The following UST variants were observed in gnomAD, a reference collection of about 807,000 sequenced individuals.
UST encodes the protein uronyl 2-sulfotransferase.
In UST, 21 loss-of-function variants were observed where a neutral mutation model predicts 45.6. The ratio of observed to expected loss-of-function variants is 0.46; its 90% CI spans 0.33 to 0.66. The LOEUF (loss-of-function observed/expected upper bound fraction) is 0.66. UST is among the 30% of genes least tolerant of loss of function. The pLI is 0.02. For missense variants in UST, 463 were observed against 512.4 expected (o/e 0.90, Z 0.93); for synonymous variants, 215 against 200.6 (o/e 1.07, Z -0.61).
intron 1 of UST, among the ~76,000 whole-genome samples, chr6:148,862,111 A>C (rs1017376301): frequency 2.0e-5 from 3 of 152,180 alleles, no homozygotes; most frequent in African/African-American, 4.8e-5. Context: ...AAAGTCTCCC[A>C]TTATTATTGT....
chr6:148,889,560 ATAT>A (rs1778976464), intron 2 of UST, among the ~76,000 whole-genome samples: 1 of 151,990 alleles, frequency 6.6e-6, no homozygotes, highest in Non-Finnish European at 1.5e-5. Flanking sequence ...CCCTGTCATG[ATAT>A]TATTGAGTTG....
chr6:148,857,865 C>CTAGTGGTTGAGAAACCACAGGA (rs1371100909), intron 1 of UST, among the ~76,000 whole-genome samples: 1 of 151,102 alleles, frequency 6.6e-6, no homozygotes, highest in Non-Finnish European at 1.5e-5. Flanking sequence ...GTCTGGGTGG[C>CTAGTGGTTGAGAAACCACAGGA]TAGTGGTTGA....
intron 5 of UST, among the ~76,000 whole-genome samples, chr6:148,995,784 G>C (rs928072978): frequency 1.3e-5 from 2 of 152,256 alleles, no homozygotes; most frequent in African/African-American, 4.8e-5. Flanking sequence ...GACAAATTTT[G>C]TGTGGCAGAG....
intron 5 of UST, among the ~76,000 whole-genome samples, chr6:149,013,558 A>G (rs1164929071): frequency 6.6e-6 from 1 of 152,142 alleles, no homozygotes; most frequent in Non-Finnish European, 1.5e-5. Context: ...AGTTGGTACC[A>G]GGTACGTCCA....
At chr6:148,805,426 G>T (rs1777129297) in intron 1 of UST, among the ~76,000 whole-genome samples, 2 of 152,190 alleles carry the variant, frequency 1.3e-5, no homozygotes, top group Non-Finnish European at 2.9e-5. Flanking sequence ...TGGAAAATTA[G>T]TGGAAGTTTT....
intron 1 of UST, among the ~76,000 whole-genome samples, chr6:148,826,931 GC>G (rs1194553574): frequency 6.6e-6 from 1 of 151,972 alleles, no homozygotes; most frequent in African/African-American, 2.4e-5. Context: ...TTTCTGTTCT[GC>G]CTCTCTGTGA....
intron 1 of UST, among the ~76,000 whole-genome samples, chr6:148,827,726 A>T (rs1297044058): frequency 8.5e-6 from 1 of 117,396 alleles, no homozygotes; most frequent in Non-Finnish European, 1.6e-5. Flanking sequence ...TCTAGTTTGT[A>T]AAAAAAAAAA....
chr6:148,788,965 T>A (rs1230590956), intron 1 of UST, among the ~76,000 whole-genome samples: 2 of 152,236 alleles, frequency 1.3e-5, no homozygotes, highest in Non-Finnish European at 2.9e-5. Flanking sequence ...GGTATTTATG[T>A]TGTAAATAAT....
Position 149,038,568 on chromosome 6 carries a change from A to G in UST, c.937+17087A>G, listed in dbSNP as rs576495945. The stretch of plus-strand genomic sequence containing the variant: ...CCCATCAATTCTAGTTTTCAAAACT[A>G]TGAGAGAATAAACTTCTGTTGTCTT... On this transcript the variant is annotated intron_variant, in intron 7 of 7. Transcript: ENST00000367463. Among the ~76,000 whole-genome samples the G allele has an allele frequency of 3.9e-5, 6 of 152,228 alleles. No homozygotes were observed. The South Asian group carries it at 1.2e-3, about 32-fold the overall frequency.
chr6:148,997,983 A>G (rs915658141), intron 5 of UST, among the ~76,000 whole-genome samples: 33 of 152,198 alleles, frequency 2.2e-4, no homozygotes, highest in African/African-American at 7.5e-4. Flanking sequence ...CTGGATAACC[A>G]GAGGTTGAAA....
At chr6:148,991,091 T>G (rs1781342103) in intron 5 of UST, among the ~76,000 whole-genome samples, 1 of 151,960 alleles carries the variant, frequency 6.6e-6, no homozygotes, top group African/African-American at 2.4e-5. Flanking sequence ...CTAAGAAAAA[T>G]AAGAGGACAA....
At chr6:149,012,189 T>C (rs557949388) in intron 5 of UST, among the ~76,000 whole-genome samples, 40 of 152,330 alleles carry the variant, frequency 2.6e-4, no homozygotes, top group Admixed American at 2.2e-3. Context: ...GTGTCATCAG[T>C]GATTCATGCT....
At chr6:148,992,990 T>C in intron 5 of UST, 1 of 985,414 alleles carries the variant, frequency 1.0e-6, no homozygotes, top group Non-Finnish European at 1.2e-6. Context: ...ACAGACCCCT[T>C]TGGGCGGCTC....
intron 3 of UST, among the ~76,000 whole-genome samples, chr6:148,952,984 T>C (rs992260109): frequency 1.3e-5 from 2 of 152,204 alleles, no homozygotes; most frequent in African/African-American, 4.8e-5. Context: ...AGTTAGTTTA[T>C]ACGAATATAA....
intron 7 of UST, among the ~76,000 whole-genome samples, chr6:149,045,757 C>A (rs1776386437): frequency 6.6e-6 from 1 of 152,122 alleles, no homozygotes; most frequent in Admixed American, 6.5e-5. Flanking sequence ...GCAAGGCAAC[C>A]CCCTTCTAGT....
At chr6:148,951,704 A>G (rs918904494) in intron 3 of UST, among the ~76,000 whole-genome samples, 4 of 152,208 alleles carry the variant, frequency 2.6e-5, no homozygotes, top group African/African-American at 4.8e-5. Flanking sequence ...AAAACAAGGA[A>G]AGTCTTAGAA....
intron 5 of UST, among the ~76,000 whole-genome samples, chr6:149,013,209 A>G (rs979576461): frequency 3.9e-5 from 6 of 152,354 alleles, no homozygotes; most frequent in African/African-American, 1.2e-4. Flanking sequence ...TTGGTATCTA[A>G]GAAATTACAG....
chr6:148,928,739 A>G (rs1352471267), intron 2 of UST, among the ~76,000 whole-genome samples: 1 of 152,234 alleles, frequency 6.6e-6, no homozygotes, highest in African/African-American at 2.4e-5. Context: ...AAAGCCCCCA[A>G]CATGTAGGCA....
intron 5 of UST, 123 bp downstream of exon 5, chr6:148,964,686 G>A (rs1481796679): frequency 1.5e-6 from 2 of 1,290,920 alleles, no homozygotes; most frequent in East Asian, 4.9e-5. Context: ...GCGTGGCGCA[G>A]AGAGGGTGCT....
Sources: allele counts gnomAD v4.1 joint callset (sites outside exome capture counted in the v4.1 genomes callset), GRCh38; gene constraint gnomAD v4.1.1; transcripts MANE v1.5; gene names NCBI Gene and HGNC (gene_info 2026-07-23, HGNC 2026-07-21).